ZNF407: variants seen among roughly 807,000 people sequenced by gnomAD.
ZNF407 encodes the protein zinc finger protein 407.
ZNF407 carries 17 observed loss-of-function variants against 131.2 expected under a neutral mutation model. The ratio of observed to expected loss-of-function variants is 0.13; its 90% confidence interval spans 0.09 to 0.19. ZNF407 has a LOEUF of 0.19. Ranked by LOEUF, ZNF407 falls within the 10% of genes least tolerant of loss-of-function variation. The pLI, the probability that ZNF407 is intolerant of heterozygous loss-of-function variation, is 1.00. For missense variants in ZNF407, 2,681 were observed against 2,830.6 expected (o/e 0.95, Z 1.20); for synonymous variants, 1,156 against 1,062.0 (o/e 1.09, Z -1.72).
At chr18:74,730,539 A>G (rs1968270822) in intron 3 of ZNF407, among the ~76,000 whole-genome samples, 1 of 151,830 alleles carries the variant, frequency 6.6e-6, no homozygotes. Context: ...CATTCTCTTC[A>G]TTTATGGTTC....
chr18:74,748,284 CTTTT>C (rs35881659), intron 3 of ZNF407, among the ~76,000 whole-genome samples: 1 of 138,674 alleles, frequency 7.2e-6, no homozygotes, highest in Non-Finnish European at 1.6e-5. Context: ...AAAATTCTTT[CTTTT>C]TTTTTTTTTT....
chr18:74,982,634 A>G (rs1265406072), intron 8 of ZNF407, among the ~76,000 whole-genome samples: 1 of 152,216 alleles, frequency 6.6e-6, no homozygotes, highest in Non-Finnish European at 1.5e-5. Context: ...CTGTTAAGGG[A>G]GGAACCTCTC....
At chr18:74,803,950 G>A in intron 4 of ZNF407, 1 of 1,551,200 alleles carries the variant, frequency 6.4e-7, no homozygotes. Flanking sequence ...AAACTTGATT[G>A]TCCTTGGCTT....
At chr18:75,016,226 C>G (rs1357550435) in intron 8 of ZNF407, among the ~76,000 whole-genome samples, 1 of 152,036 alleles carries the variant, frequency 6.6e-6, no homozygotes, top group African/African-American at 2.4e-5. Flanking sequence ...TTCTGTGAGT[C>G]AAAAACCATG....
intron 8 of ZNF407, among the ~76,000 whole-genome samples, chr18:75,038,026 A>G (rs2122235355): frequency 6.6e-6 from 1 of 152,358 alleles, no homozygotes; most frequent in South Asian, 2.1e-4. Context: ...TCAGCAAATC[A>G]TAACGTGAAG....
chr18:74,771,243 T>C (rs1397165068), intron 3 of ZNF407, among the ~76,000 whole-genome samples: 1 of 152,162 alleles, frequency 6.6e-6, no homozygotes, highest in Non-Finnish European at 1.5e-5. Flanking sequence ...TTAAGAAATA[T>C]AATTATTAAA....
chr18:74,623,592 CCTT>C (rs1983659053), intron 1 of ZNF407, among the ~76,000 whole-genome samples: 1 of 152,224 alleles, frequency 6.6e-6, no homozygotes, highest in East Asian at 1.9e-4. Flanking sequence ...TCCCGAAATG[CCTT>C]CTTTGATATG....
chr18:75,004,555 A>G (rs1972885357), intron 8 of ZNF407, among the ~76,000 whole-genome samples: 1 of 152,100 alleles, frequency 6.6e-6, no homozygotes, highest in Non-Finnish European at 1.5e-5. Context: ...CACTCAGCCT[A>G]TCAAGCGAGT....
intron 3 of ZNF407, among the ~76,000 whole-genome samples, chr18:74,661,537 G>C (rs1328246515): frequency 6.6e-6 from 1 of 151,630 alleles, no homozygotes; most frequent in Non-Finnish European, 1.5e-5. Context: ...TAATTTTTAT[G>C]TTTATTAATG....
chr18:74,803,555 T>A (rs1168148036), intron 4 of ZNF407, among the ~76,000 whole-genome samples: 2 of 152,232 alleles, frequency 1.3e-5, no homozygotes, highest in Non-Finnish European at 2.9e-5. Context: ...ATTTTCTTCC[T>A]ATATTTTAGC....
intron 4 of ZNF407, among the ~76,000 whole-genome samples, chr18:74,853,938 G>C (rs977464934): frequency 2.6e-5 from 4 of 152,164 alleles, no homozygotes; most frequent in Non-Finnish European, 5.9e-5. Flanking sequence ...TTTGTTTTCG[G>C]ATCAGTGGGA....
chr18:74,939,048 T>C (rs1019183601), intron 8 of ZNF407, among the ~76,000 whole-genome samples: 2 of 152,236 alleles, frequency 1.3e-5, no homozygotes, highest in African/African-American at 4.8e-5. Context: ...GAGGCGACCT[T>C]TTTGATTCAG....
At chr18:74,738,348 A>ATACAAAAACTTAGCT (rs1568190844) in intron 3 of ZNF407, among the ~76,000 whole-genome samples, 2 of 138,686 alleles carry the variant, frequency 1.4e-5, no homozygotes, top group African/African-American at 5.5e-5. Flanking sequence ...TGAACCCGGG[A>ATACAAAAACTTAGCT]GGCGGAGGCT....
At chr18:74,975,483 C>G (rs867990714) in intron 8 of ZNF407, among the ~76,000 whole-genome samples, 6 of 151,844 alleles carry the variant, frequency 4.0e-5, no homozygotes, top group East Asian at 1.9e-4. Flanking sequence ...GTTGTTTGAT[C>G]GAAATTCTAC....
In ZNF407 at chr18:74,635,442, A is replaced by G. The variant is rs764488402; in HGVS notation, c.4423A>G (p.Ser1475Gly). The G allele has an allele frequency of 1.2e-6, 2 of 1,613,640 alleles. No homozygotes were observed. Among genetic ancestry groups the G allele is most frequent in the Non-Finnish European group, 1.7e-6 (2 of 1,179,692 alleles). ...CGGCCACATGAGAAATGAGCAGGCC[A>G]GTGTGGAGGAGCTTCCGGAGGGAGG... is the stretch of plus-strand genomic sequence containing the variant. ...SAGHMRNEQA[S>G]VEELPEGGAT... is the part of the protein sequence containing the mutation. Residue 1475 changes from serine to glycine, a missense_variant, in exon 2 of 9, where the codon AGT (serine) becomes GGT (glycine). Ser to Gly is a moderately conservative substitution (Grantham distance 56). Around this residue, in one of 6 missense-constraint regions of ZNF407, gnomAD observed 213 missense variants for 332.2 expected, o/e 0.64. Transcript: ENST00000299687. This position sits in a 1 kb window ranked among gnomAD's most constrained non-coding sequence, Gnocchi z 4.7.
At chr18:74,653,611 G>T (rs886186575) in intron 3 of ZNF407, among the ~76,000 whole-genome samples, 1 of 151,620 alleles carries the variant, frequency 6.6e-6, no homozygotes, top group African/African-American at 2.4e-5. Flanking sequence ...AACATGTATC[G>T]ATATGCTTAT....
chr18:74,676,367 T>C (rs1031383602), intron 3 of ZNF407, among the ~76,000 whole-genome samples: 2 of 152,048 alleles, frequency 1.3e-5, no homozygotes, highest in African/African-American at 4.8e-5. Context: ...GCTAGGATTA[T>C]AGGCATGAGC....
rs1158859005 is a variant in ZNF407, at chr18:74,627,841, ACCCCG to A, written c.-53-3106_-53-3102del. Among the ~76,000 whole-genome samples, 14 of 50,408 alleles carry A rather than the reference ACCCCG, an allele frequency of 2.8e-4. No individual in the cohort carries two copies. In the East Asian group the frequency reaches 4.7e-3, roughly 17 times the overall value. 33.1% of individuals were successfully genotyped at this position (50,408 alleles called of 152,430 possible). On this transcript the variant is annotated intron_variant, in intron 1 of 8. Transcript: ENST00000299687. Reference sequence around the variant, plus strand: ...GCCCTGCCCTGCCCTGCCCCGCCCCACCCCGCCCCGCCCCGCCCCGCCCCTTTTCT... The same window carrying A: ...GCCCTGCCCTGCCCTGCCCCGCCCCACCCCGCCCCGCCCCGCCCCTTTTCT...
chr18:74,648,930 C>T (rs938302899), intron 3 of ZNF407, among the ~76,000 whole-genome samples: 6 of 152,264 alleles, frequency 3.9e-5, no homozygotes, highest in East Asian at 1.9e-4. Flanking sequence ...TGTTTCTAAT[C>T]GCTTCCGTGG....
Sources: gnomAD v4.1 joint callset for allele counts (sites outside exome capture counted in the v4.1 genomes callset) on GRCh38, gnomAD v4.1.1 for gene constraint, gnomAD v4.1.1 regional missense constraint, Gnocchi (gnomAD v3.1) non-coding constraint, MANE v1.5 for transcripts, NCBI Gene and HGNC (gene_info 2026-07-23, HGNC 2026-07-21) for gene names.